Variants in GALNT13 observed in about 807,000 individuals in gnomAD.
GALNT13 encodes the protein UDP-GalNAc:polypeptide N-acetylgalactosaminyltransferase 13.
GALNT13 carries 28 observed loss-of-function variants against 64.2 expected under a neutral mutation model. The observed-to-expected ratio is 0.44, with a 90% CI of 0.32 to 0.60. The LOEUF (loss-of-function observed/expected upper bound fraction) is 0.60. Among genes scored for constraint, GALNT13 ranks in the 20% least tolerant of loss-of-function variants. The probability of loss-of-function intolerance (pLI) is 0.05; values close to 1 mark genes in which losing one functional copy is unlikely to be tolerated. For synonymous variants in GALNT13, 214 were observed against 224.6 expected, an observed-to-expected ratio of 0.95 and a Z score of 0.42; for missense variants, 577 against 669.8, an observed-to-expected ratio of 0.86 and a Z score of 1.53.
At chr2:153,073,647 A>G in the GALNT13 span, among the ~76,000 whole-genome samples, 1 of 152,172 alleles carries the variant, frequency 6.6e-6, no homozygotes, top group African/African-American at 2.4e-5. Context: ...TGTAAAAGAT[A>G]AGCATTCTTT....
At position 153,992,817 on chromosome 2, in the gene GALNT13, C is replaced by T. The variant is rs140150417; in HGVS notation, c.142+48178C>T. Among the ~76,000 whole-genome samples the T allele has an allele frequency of 1.7e-4, 26 of 152,252 alleles. No individual in the cohort carries two copies. In the East Asian group the frequency reaches 3.3e-3, roughly 19 times the overall value. ...ATGGCAGCACTAACAGTGAAAAAGT[C>T]GATCTGCTCTAAGTGCTGCCTCATC... is the stretch of plus-strand genomic sequence containing the variant. On this transcript the variant is annotated intron_variant, in intron 3 of 12. Coordinates refer to ENST00000392825, the MANE Select transcript of GALNT13 (RefSeq NM_052917.4).
At chr2:154,437,534 GA>G in intron 11 of GALNT13, 30 of 1,283,244 alleles carry the variant, frequency 2.3e-5, no homozygotes, top group Non-Finnish European at 3.0e-5. Flanking sequence ...GTTAAAAGAA[GA>G]AAACACATTC....
chr2:153,499,895 TG>T, the GALNT13 span, among the ~76,000 whole-genome samples: 1,330 of 152,216 alleles, frequency 8.7e-3, 10 homozygotes, highest in Non-Finnish European at 0.012. Flanking sequence ...CAGCTGCGGC[TG>T]GGCAGCTGCA....
At chr2:153,614,843 G>A in the GALNT13 span, among the ~76,000 whole-genome samples, 2 of 151,998 alleles carry the variant, frequency 1.3e-5, no homozygotes, top group Admixed American at 1.3e-4. Context: ...GGAGTATTGG[G>A]CATCCATCCC....
At chr2:153,573,094 A>C in the GALNT13 span, among the ~76,000 whole-genome samples, 1 of 151,950 alleles carries the variant, frequency 6.6e-6, no homozygotes. Flanking sequence ...AAGCTCTGAT[A>C]ATGTATGCTT....
chr2:153,684,225 G>C, the GALNT13 span, among the ~76,000 whole-genome samples: 5,221 of 151,670 alleles, frequency 0.034, 142 homozygotes, highest in African/African-American at 0.069. Context: ...AATTTGTTAT[G>C]ACAATTGTTG....
chr2:153,284,071 G>C, the GALNT13 span, among the ~76,000 whole-genome samples: 1 of 152,226 alleles, frequency 6.6e-6, no homozygotes. Flanking sequence ...TCTATGCCCA[G>C]GGATGTTAGG....
the GALNT13 span, among the ~76,000 whole-genome samples, chr2:153,724,977 A>T: frequency 6.6e-6 from 1 of 151,630 alleles, no homozygotes; most frequent in Admixed American, 6.6e-5. Context: ...AATGACTATA[A>T]ATCATGCTGC....
chr2:153,100,674 T>C, the GALNT13 span, among the ~76,000 whole-genome samples: 1 of 152,190 alleles, frequency 6.6e-6, no homozygotes, highest in Non-Finnish European at 1.5e-5. Flanking sequence ...TCTTTCTTCA[T>C]TAACAAAATT....
chr2:153,505,747 A>T, the GALNT13 span, among the ~76,000 whole-genome samples: 2 of 151,922 alleles, frequency 1.3e-5, no homozygotes, highest in Non-Finnish European at 2.9e-5. Flanking sequence ...GATTTTCTTA[A>T]ATTTACTGAG....
intron 3 of GALNT13, among the ~76,000 whole-genome samples, chr2:154,017,773 T>C (rs1697108884): frequency 6.6e-6 from 1 of 152,200 alleles, no homozygotes; most frequent in South Asian, 2.1e-4. Flanking sequence ...TATTTATGGC[T>C]TATCACTACA....
the GALNT13 span, among the ~76,000 whole-genome samples, chr2:153,857,490 G>T: frequency 3.9e-5 from 6 of 152,134 alleles, no homozygotes; most frequent in South Asian, 2.1e-4. Flanking sequence ...AACCAAGTAG[G>T]CAGCTGTGAG....
the GALNT13 span, among the ~76,000 whole-genome samples, chr2:153,561,671 T>G: frequency 6.3e-5 from 8 of 127,106 alleles, no homozygotes; most frequent in African/African-American, 2.1e-4. Context: ...GTGTGTGTGG[T>G]GTGTATTAAT....
the GALNT13 span, among the ~76,000 whole-genome samples, chr2:153,175,480 G>C: frequency 6.6e-6 from 1 of 152,166 alleles, no homozygotes; most frequent in Non-Finnish European, 1.5e-5. Context: ...ATTGACGGGA[G>C]CCTATGGATG....
chr2:153,724,956 G>T, the GALNT13 span, among the ~76,000 whole-genome samples: 1 of 151,374 alleles, frequency 6.6e-6, no homozygotes, highest in African/African-American at 2.4e-5. Flanking sequence ...CCATTACTGG[G>T]TATATACCCA....
At chr2:153,429,321 G>A in the GALNT13 span, among the ~76,000 whole-genome samples, 1 of 152,072 alleles carries the variant, frequency 6.6e-6, no homozygotes, top group Non-Finnish European at 1.5e-5. Flanking sequence ...TTATTTGTTG[G>A]TATGTCATAC....
the GALNT13 span, among the ~76,000 whole-genome samples, chr2:153,261,181 C>G: frequency 1.3e-5 from 2 of 152,134 alleles, no homozygotes; most frequent in African/African-American, 4.8e-5. Flanking sequence ...TAATATATCT[C>G]TGTCTCTTTG....
At chr2:153,580,252 G>T in the GALNT13 span, among the ~76,000 whole-genome samples, 6 of 151,856 alleles carry the variant, frequency 4.0e-5, no homozygotes, top group African/African-American at 9.7e-5. Context: ...TCCTCTGCAG[G>T]TTACTTTATT....
At chr2:154,360,895 G>A (rs1697030780) in intron 9 of GALNT13, among the ~76,000 whole-genome samples, 1 of 151,948 alleles carries the variant, frequency 6.6e-6, no homozygotes, top group African/African-American at 2.4e-5. Flanking sequence ...ATTTGACTTG[G>A]GATTATAAAG....
Sources: allele counts gnomAD v4.1 joint callset (sites outside exome capture counted in the v4.1 genomes callset), GRCh38; gene constraint gnomAD v4.1.1; transcripts MANE v1.5; gene names NCBI Gene and HGNC (gene_info 2026-07-23, HGNC 2026-07-21).